The following ZNF548 variants were observed in gnomAD, a reference collection of about 807,000 sequenced individuals.
The protein encoded by ZNF548 is zinc finger protein 548.
In ZNF548, 10 loss-of-function variants were observed where a neutral mutation model predicts 10.2. The observed-to-expected ratio is 0.98, with a 90% confidence interval of 0.60 to 1.66. The LOEUF is 1.66. Ranked by LOEUF, ZNF548 falls within the 40% of genes most tolerant of loss-of-function variation. The probability of loss-of-function intolerance (pLI) is 0.00; values close to 1 mark genes in which losing one functional copy is unlikely to be tolerated. For synonymous variants in ZNF548, 217 were observed against 223.5 expected (o/e 0.97, Z 0.26); for missense variants, 599 against 657.0 (o/e 0.91, Z 0.97).
Position 57,399,401 on chromosome 19 carries a change from G to T in ZNF548, c.1150G>T (p.Glu384Ter). 6.2e-7 allele frequency: 1 copy of T among 1,611,110 alleles called. No homozygotes were observed. Among genetic ancestry groups the T allele is most frequent in the Non-Finnish European group, 8.5e-7 (1 of 1,179,170 alleles). ...GCCTTATGAGTGCAGTGTATGTGGG[G>T]AATTGTTTAGGTACAACTCCAGCCT... ...ERPYECSVCG[E>*]LFRYNSSLVK... The change falls in exon 4 of 4, where the codon GAA becomes TAA. Residue 384 changes from glutamate to a stop codon, truncating the protein, a stop_gained. Transcript: ENST00000336128. LOFTEE classifies it low-confidence loss of function (END_TRUNC). The surrounding 1 kb of genome is among the most constrained non-coding windows in gnomAD (Gnocchi z 4.0).
rs1290195204 is a variant in ZNF548, at chr19:57,400,218, T to A, written c.*329T>A. 8.9e-6 allele frequency: 2 copies of A among 223,868 alleles called. No homozygotes were observed. Among genetic ancestry groups the A allele is most frequent in the Non-Finnish European group, 1.8e-5 (2 of 113,076 alleles). 13.9% of individuals were successfully genotyped at this position (223,868 alleles called of 1,614,324 possible). A position where few individuals can be genotyped will look rare whatever the true frequency, so the allele number is the denominator to read the frequency against. On this transcript the variant is annotated 3_prime_UTR_variant, in exon 4 of 4. Coordinates refer to ENST00000336128, the MANE Select transcript of ZNF548 (RefSeq NM_001172773.2). The stretch of plus-strand genomic sequence containing the variant: ...GTATAATGTGTCAGAATATCCTTCC[T>A]TTTTAGGTGAAATAATATTCTATGG...
intron 3 of ZNF548, 123 bp from the exon 4 acceptor site, chr19:57,398,307 A>T: frequency 6.6e-7 from 1 of 1,524,026 alleles, no homozygotes. Context: ...CACTGGCCTT[A>T]ATGTCCATGA....
Position 57,399,761 on chromosome 19 carries a change from C to T in ZNF548, c.1510C>T (p.Leu504=), listed in dbSNP as rs762084090. 100 of 1,614,010 alleles carry T rather than the reference C, an allele frequency of 6.2e-5. No homozygotes were observed. The highest frequency in any genetic ancestry group is 7.0e-5 in the Non-Finnish European group (83 of 1,180,014). Residue 504 remains leucine (L), a synonymous_variant, in exon 4 of 4, where the codon CTG becomes TTG. Coordinates refer to ENST00000336128, the MANE Select transcript of ZNF548 (RefSeq NM_001172773.2). The surrounding 1 kb of genome is among the most constrained non-coding windows in gnomAD (Gnocchi z 4.0). The part of the protein sequence containing the change: ...CQKAFIRKSH[L]VHHQKIHSEE... ...GAAGGCCTTTATTAGAAAGTCTCAC[C>T]TGGTTCATCACCAGAAAATCCACAG...
chr19:57,397,247 G>A (rs758529062), intron 3 of ZNF548, 73 bp downstream of exon 3: 18 of 1,480,028 alleles, frequency 1.2e-5, no homozygotes, highest in East Asian at 7.1e-5. Flanking sequence ...GCAGCTCTGC[G>A]TTTCCCACAG....
At chr19:57,394,014 G>C in intron 1 of ZNF548, 174 bp from the exon 2 acceptor site, 1 of 681,250 alleles carries the variant, frequency 1.5e-6, no homozygotes, top group African/African-American at 1.8e-5. Flanking sequence ...TGAAGCTCAG[G>C]TGGGTTTGGT....
rs2088647407 is a variant in ZNF548 at position 57,394,008 on chromosome 19, G to A, written c.16-180G>A. 2.5e-5 allele frequency: 17 copies of A among 671,876 alleles called. No individual in the cohort carries two copies. In the South Asian group the frequency reaches 2.8e-4, roughly 11 times the overall value. The allele number at this position is 671,876 out of a possible 1,614,324, so 41.6% of individuals were successfully genotyped here. ...TCTATTTACAGATGGAGACACTGAA[G>A]CTCAGGTGGGTTTGGTTCTTTTCCA... On this transcript the variant is annotated intron_variant, in intron 1 of 3. Transcript: ENST00000336128.
intron 3 of ZNF548, 121 bp from the exon 4 acceptor site, chr19:57,398,309 T>C: frequency 6.6e-7 from 1 of 1,525,486 alleles, no homozygotes. Context: ...CTGGCCTTAA[T>C]GTCCATGATG....
Position 57,400,480 on chromosome 19 carries a change from T to G in ZNF548, c.*591T>G, listed in dbSNP as rs190436067. The stretch of plus-strand genomic sequence containing the variant: ...CAGAGTCTTGCTCTGTCACCCAGGC[T>G]GGAGTGCAGTGCTGTGATCTTGGCT... On this transcript the variant is annotated 3_prime_UTR_variant, in exon 4 of 4. Transcript: ENST00000336128. 1.9e-3 allele frequency: 285 copies of G among 152,822 alleles called. No homozygotes were observed. Among genetic ancestry groups the G allele is most frequent in the Non-Finnish European group, 3.3e-3 (226 of 68,496 alleles). 9.5% of individuals were successfully genotyped at this position (152,822 alleles called of 1,614,324 possible). A position where few individuals can be genotyped will look rare whatever the true frequency, so the allele number is the denominator to read the frequency against.
chr19:57,399,663 G>A lies in ZNF548; in HGVS notation c.1412G>A (p.Ser471Asn). 1 of 1,614,020 alleles carries A rather than the reference G, an allele frequency of 6.2e-7. No individual in the cohort carries two copies. The highest frequency in any genetic ancestry group is 8.5e-7 in the Non-Finnish European group (1 of 1,179,954). Residue 471 changes from serine to asparagine, a missense_variant, in exon 4 of 4, where the codon AGC becomes AAC. Physicochemically the swap from Ser to Asn is conservative, Grantham distance 46. Transcript: ENST00000336128. The surrounding 1 kb of genome is among the most constrained non-coding windows in gnomAD (Gnocchi z 4.0). ...TGCAGAGAGTGTGGGAAAGCCTTTAGCCACAAGCATATACTTGTTGAGCAC... is the reference window on the plus strand; with the variant it reads ...TGCAGAGAGTGTGGGAAAGCCTTTAACCACAAGCATATACTTGTTGAGCAC... Reference protein sequence around the residue: ...YECRECGKAFSHKHILVEHQK... With the variant: ...YECRECGKAFNHKHILVEHQK...
chr19:57,392,915 G>A (rs1311881023), intron 1 of ZNF548: 6 of 985,462 alleles, frequency 6.1e-6, no homozygotes, highest in Non-Finnish European at 7.2e-6. Flanking sequence ...CAGGGATTCT[G>A]GATTGCATCT....
chr19:57,398,336 CTTAT>C (rs2088681958), intron 3 of ZNF548, 90 bp from the exon 4 acceptor site: 1 of 1,557,296 alleles, frequency 6.4e-7, no homozygotes, highest in African/African-American at 1.4e-5. Flanking sequence ...ATCCCATGGC[CTTAT>C]TTGTGTGTGT....
At chr19:57,396,059 G>C (rs2088662378) in intron 2 of ZNF548, among the ~76,000 whole-genome samples, 1 of 152,242 alleles carries the variant, frequency 6.6e-6, no homozygotes, top group Admixed American at 6.5e-5. Context: ...TCCGTGTGCA[G>C]AGTGGCCTGT....
At position 57,402,206 on chromosome 19, in the gene ZNF548, A is replaced by G. The variant is rs915703307; in HGVS notation, c.*2317A>G. 1.4e-4 allele frequency: 21 copies of G among 152,138 alleles called. No homozygotes were observed. Among genetic ancestry groups the G allele is most frequent in the African/African-American group, 3.9e-4 (16 of 41,430 alleles). The allele number at this position is 152,138 out of a possible 1,614,324, so 9.4% of individuals were successfully genotyped here. A position where few individuals can be genotyped will look rare whatever the true frequency, so the allele number is the denominator to read the frequency against. On this transcript the variant is annotated 3_prime_UTR_variant, in exon 4 of 4. Transcript: ENST00000336128. ...ACACTTGTCAAAATCATTTGTCCATATATGCCATGGTTTATATGTGGATTC... is the reference window on the plus strand; with the variant it reads ...ACACTTGTCAAAATCATTTGTCCATGTATGCCATGGTTTATATGTGGATTC...
Position 57,399,369 on chromosome 19 carries a change from G to A in ZNF548, c.1118G>A (p.Gly373Glu), listed in dbSNP as rs1160749643. 3 of 1,614,208 alleles carry A rather than the reference G, an allele frequency of 1.9e-6. No individual in the cohort carries two copies. The highest frequency in any genetic ancestry group is 2.5e-6 in the Non-Finnish European group (3 of 1,180,026). Residue 373 changes from glycine to glutamate, a missense_variant, in exon 4 of 4, where the codon GGA (glycine) becomes GAA (glutamate). Physicochemically the swap from Gly to Glu is moderately conservative, Grantham distance 98. Transcript: ENST00000336128. The surrounding 1 kb of genome is among the most constrained non-coding windows in gnomAD (Gnocchi z 4.0). The part of the protein sequence containing the change: ...TLIRHQRIHT[G>E]ERPYECSVCG... ...ATTAGACATCAGAGAATTCACACTG[G>A]AGAAAGGCCTTATGAGTGCAGTGTA...
rs114799472 is a variant in ZNF548 at position 57,397,354 on chromosome 19, A to G, written c.178+180A>G. On this transcript the variant is annotated intron_variant, in intron 3 of 3. Coordinates refer to ENST00000336128, the MANE Select transcript of ZNF548 (RefSeq NM_001172773.2). ...TGTTTTATACCCCCTTTTTCCTAGC[A>G]TCCCCATCCCTGCTGCTCTGAGGCT... is the stretch of plus-strand genomic sequence containing the variant. 1,845 of 922,022 alleles carry G rather than the reference A, an allele frequency of 2.0e-3. 20 individuals are homozygous for G. The African/African-American group carries it at 0.024, about 12-fold the overall frequency. The allele number at this position is 922,022 out of a possible 1,614,324, so 57.1% of individuals were successfully genotyped here. A position where few individuals can be genotyped will look rare whatever the true frequency, so the allele number is the denominator to read the frequency against.
In ZNF548 at chr19:57,399,340, AC is replaced by A; in HGVS notation, c.1090del (p.Leu364SerfsTer157). The part of the protein sequence containing the change: ...CGKFFRYIST[L>X]IRHQRIHTGE... ...GGAAATTTTTTAGGTATATCTCCAC[AC>A]TCATTAGACATCAGAGAATTCACAC... On this transcript the variant is annotated frameshift_variant, in exon 4 of 4. Transcript: ENST00000336128. LOFTEE classifies it low-confidence loss of function (END_TRUNC). This position sits in a 1 kb window ranked among gnomAD's most constrained non-coding sequence, Gnocchi z 4.0. 6.2e-7 allele frequency: 1 copy of A among 1,614,082 alleles called. No individual in the cohort carries two copies. Among genetic ancestry groups the A allele is most frequent in the Non-Finnish European group, 8.5e-7 (1 of 1,179,962 alleles).
chr19:57,396,557 T>C (rs1490777921), intron 2 of ZNF548, among the ~76,000 whole-genome samples: 1 of 152,200 alleles, frequency 6.6e-6, no homozygotes, highest in Non-Finnish European at 1.5e-5. Flanking sequence ...TTTTAATTTA[T>C]GGATGTGAGT....
rs778051725 is a variant in ZNF548, at chr19:57,399,903, G to T, written c.*14G>T. 4 of 1,530,874 alleles carry T rather than the reference G, an allele frequency of 2.6e-6. No individual in the cohort carries two copies. The highest frequency in any genetic ancestry group is 3.5e-6 in the Non-Finnish European group (4 of 1,136,312). The allele number at this position is 1,530,874 out of a possible 1,614,324, so 94.8% of individuals were successfully genotyped here. A position where few individuals can be genotyped will look rare whatever the true frequency, so the allele number is the denominator to read the frequency against. On this transcript the variant is annotated 3_prime_UTR_variant, in exon 4 of 4. Coordinates refer to ENST00000336128, the MANE Select transcript of ZNF548 (RefSeq NM_001172773.2). This position sits in a 1 kb window ranked among gnomAD's most constrained non-coding sequence, Gnocchi z 4.0. Reference sequence around the variant, plus strand: ...GTTTACCATTGACTATTGTAATTGGGTAGTAATGTTATATAAATTCCACAT... The same window carrying T: ...GTTTACCATTGACTATTGTAATTGGTTAGTAATGTTATATAAATTCCACAT...
Position 57,398,895 on chromosome 19 carries a change from G to A in ZNF548, c.644G>A (p.Gly215Glu). ...AATGATTACAAATGTAGTGAATGTG[G>A]GAAAACCTTCACCTGCAGCTATTCA... ...GQNDYKCSEC[G>E]KTFTCSYSFV... The change falls in exon 4 of 4, where the codon GGG (glycine) becomes GAG (glutamate). Residue 215 changes from glycine (G) to glutamate (E), a missense_variant. Gly to Glu is a moderately conservative substitution (Grantham distance 98, BLOSUM62 -2). Transcript: ENST00000336128. 1.2e-6 allele frequency: 2 copies of A among 1,614,006 alleles called. No homozygotes were observed. The highest frequency in any genetic ancestry group is 1.7e-6 in the Non-Finnish European group (2 of 1,179,894).
Sources: allele counts gnomAD v4.1 joint callset (sites outside exome capture counted in the v4.1 genomes callset), GRCh38; gene constraint gnomAD v4.1.1; non-coding constraint Gnocchi (gnomAD v3.1); transcripts MANE v1.5; gene names NCBI Gene and HGNC (gene_info 2026-07-23, HGNC 2026-07-21).